Variants in DLGAP4 observed in about 807,000 individuals in gnomAD.
The protein encoded by DLGAP4 is DLG associated protein 4.
Under a neutral mutation model 86.9 loss-of-function variants are expected in DLGAP4, and 18 were observed. The ratio of observed to expected loss-of-function variants is 0.21; its 90% confidence interval spans 0.14 to 0.31. The LOEUF (loss-of-function observed/expected upper bound fraction) is 0.31, where lower values mean the gene tolerates loss of function less well. Among genes scored for constraint, DLGAP4 ranks in the 10% least tolerant of loss-of-function variants. The pLI, the probability that DLGAP4 is intolerant of heterozygous loss-of-function variation, is 1.00. For missense variants in DLGAP4, 1,085 were observed against 1,362.6 expected (o/e 0.80, Z 3.21); for synonymous variants, 548 against 574.3 (o/e 0.95, Z 0.65).
At chr20:36,435,386 G>T (rs1225626218) in intron 3 of DLGAP4, among the ~76,000 whole-genome samples, 1 of 152,184 alleles carries the variant, frequency 6.6e-6, no homozygotes, top group African/African-American at 2.4e-5. Context: ...GACAGGGAAG[G>T]TCCCCTCGGT....
chr20:36,493,467 T>A (rs1382515754), intron 7 of DLGAP4, among the ~76,000 whole-genome samples: 1 of 152,130 alleles, frequency 6.6e-6, no homozygotes, highest in Non-Finnish European at 1.5e-5. Flanking sequence ...CTCCCGCCCT[T>A]CCGGAACAGA....
intron 2 of DLGAP4, among the ~76,000 whole-genome samples, chr20:36,388,529 G>A (rs1004168965): frequency 3.9e-5 from 6 of 152,012 alleles, no homozygotes; most frequent in Non-Finnish European, 7.4e-5. Context: ...CAATAACCCC[G>A]GTTCCCTCTG....
chr20:36,512,885 TGAAGTCAGACTG>T (rs2036790297), intron 10 of DLGAP4, among the ~76,000 whole-genome samples: 1 of 134,296 alleles, frequency 7.4e-6, no homozygotes, highest in Non-Finnish European at 1.5e-5. Context: ...GGATGGGAGA[TGAAGTCAGACTG>T]GGGGCATCTC....
At chr20:36,430,503 T>C (rs1269273466) in intron 2 of DLGAP4, among the ~76,000 whole-genome samples, 2 of 152,194 alleles carry the variant, frequency 1.3e-5, no homozygotes, top group Admixed American at 6.5e-5. Context: ...GATGGGCCCT[T>C]GCCCTAGGTC....
chr20:36,444,659 G>T (rs1004441499), intron 6 of DLGAP4, among the ~76,000 whole-genome samples: 1 of 151,616 alleles, frequency 6.6e-6, no homozygotes, highest in Non-Finnish European at 1.5e-5. Context: ...ATTTTTTTTT[G>T]AGATGGAGTC....
At chr20:36,456,771 G>A (rs2033888829) in intron 7 of DLGAP4, among the ~76,000 whole-genome samples, 1 of 152,222 alleles carries the variant, frequency 6.6e-6, no homozygotes, top group South Asian at 2.1e-4. Flanking sequence ...CTGAAGGACT[G>A]GTGGGCAGGC....
intron 8 of DLGAP4, chr20:36,499,356 C>T (rs6023207): frequency 6.2e-7 from 1 of 1,603,024 alleles, no homozygotes; most frequent in African/African-American, 1.3e-5. Context: ...CCCATCCCAC[C>T]TCCCGCCCAC....
chr20:36,339,070 C>T (rs1555892284), intron 1 of DLGAP4, among the ~76,000 whole-genome samples: 2 of 152,144 alleles, frequency 1.3e-5, no homozygotes, highest in African/African-American at 4.8e-5. Context: ...GGGTTTTAGG[C>T]AGAAGGTAAT....
chr20:36,393,792 T>G lies in DLGAP4; in HGVS notation c.-73+26517T>G, dbSNP rs1435228952. On this transcript the variant is annotated intron_variant, in intron 2 of 12. Coordinates refer to ENST00000339266, the MANE Select transcript of DLGAP4 (RefSeq NM_001365621.2). The surrounding 1 kb of genome is among the most constrained non-coding windows in gnomAD (Gnocchi z 4.4). Reference sequence around the variant, plus strand: ...GGTCTTCATTGTTCAGATGAGGAACTGAGGCTCAGAGAGGGAGGTGACCTG... The same window carrying G: ...GGTCTTCATTGTTCAGATGAGGAACGGAGGCTCAGAGAGGGAGGTGACCTG... 6.6e-6 allele frequency among the ~76,000 whole-genome samples: 1 copy of G among 152,162 alleles called. No individual in the cohort carries two copies. The highest frequency in any genetic ancestry group is 6.5e-5 in the Admixed American group (1 of 15,290).
intron 2 of DLGAP4, among the ~76,000 whole-genome samples, chr20:36,384,901 A>G (rs1159904839): frequency 6.6e-6 from 1 of 152,224 alleles, no homozygotes; most frequent in Non-Finnish European, 1.5e-5. Flanking sequence ...CTCTACCTGC[A>G]TAACCACATT....
chr20:36,471,081 A>G (rs1600592484), intron 7 of DLGAP4, among the ~76,000 whole-genome samples: 1 of 152,102 alleles, frequency 6.6e-6, no homozygotes, highest in African/African-American at 2.4e-5. Flanking sequence ...CTGAAAATGT[A>G]TATATTTTAA....
At position 36,528,514 on chromosome 20, in the gene DLGAP4, T is replaced by A. The variant is rs910492574; in HGVS notation, c.*1483T>A. ...CCATTTCCAGCTTGGCCGCCGTCTG[T>A]GACCTTGGGCAAGTCACTTGACCTC... On this transcript the variant is annotated 3_prime_UTR_variant, in exon 13 of 13. Coordinates refer to ENST00000339266, the MANE Select transcript of DLGAP4 (RefSeq NM_001365621.2). 5.9e-5 allele frequency: 9 copies of A among 152,262 alleles called. 1 individual carries two copies. Among genetic ancestry groups the A allele is most frequent in the Admixed American group, 5.2e-4 (8 of 15,248 alleles). 9.4% of individuals were successfully genotyped at this position (152,262 alleles called of 1,614,324 possible). A position where few individuals can be genotyped will look rare whatever the true frequency, so the allele number is the denominator to read the frequency against.
intron 7 of DLGAP4, among the ~76,000 whole-genome samples, chr20:36,474,885 G>A (rs1714020836): frequency 6.6e-6 from 1 of 152,176 alleles, no homozygotes; most frequent in Non-Finnish European, 1.5e-5. Context: ...GAACAAGATT[G>A]ACTTCCCTCC....
Position 36,431,014 on chromosome 20 carries a change from A to G in DLGAP4, c.-72-632A>G, listed in dbSNP as rs2033114961. ...TCTAAAAGTCCATGTTTTTCCCCAT[A>G]AGGCAAGGAGAGTTCAGGAGCCCTG... On this transcript the variant is annotated intron_variant, in intron 2 of 12. Transcript: ENST00000339266. This position sits in a 1 kb window ranked among gnomAD's most constrained non-coding sequence, Gnocchi z 5.1. Among the ~76,000 whole-genome samples the G allele has an allele frequency of 6.6e-6, 1 of 151,510 alleles. No homozygotes were observed. Among genetic ancestry groups the G allele is most frequent in the South Asian group, 2.1e-4 (1 of 4,780 alleles).
At chr20:36,503,476 G>A (rs2036229516) in intron 10 of DLGAP4, among the ~76,000 whole-genome samples, 1 of 143,090 alleles carries the variant, frequency 7.0e-6, no homozygotes, top group Admixed American at 6.9e-5. Flanking sequence ...TACCATATAT[G>A]GCCTTTTTTT....
At chr20:36,467,447 G>C (rs2034468181) in intron 7 of DLGAP4, among the ~76,000 whole-genome samples, 1 of 152,224 alleles carries the variant, frequency 6.6e-6, no homozygotes, top group African/African-American at 2.4e-5. Context: ...AATCTGGGTG[G>C]AGCCAGGAGG....
intron 7 of DLGAP4, among the ~76,000 whole-genome samples, chr20:36,463,911 C>G (rs1484683509): frequency 6.6e-6 from 1 of 152,124 alleles, no homozygotes; most frequent in Admixed American, 6.6e-5. Flanking sequence ...GAGATGAGGC[C>G]CAGAAGGGCC....
chr20:36,459,640 T>C (rs1350513692), intron 7 of DLGAP4, among the ~76,000 whole-genome samples: 1 of 152,190 alleles, frequency 6.6e-6, no homozygotes, highest in Non-Finnish European at 1.5e-5. Context: ...GGAGTTTCGC[T>C]CTTGTTGCCC....
At chr20:36,460,948 G>C (rs2034012911) in intron 7 of DLGAP4, among the ~76,000 whole-genome samples, 1 of 152,252 alleles carries the variant, frequency 6.6e-6, no homozygotes, top group African/African-American at 2.4e-5. Context: ...GCAAAGCAAA[G>C]GGAGGATGCA....
Sources: allele counts gnomAD v4.1 joint callset (sites outside exome capture counted in the v4.1 genomes callset), GRCh38; gene constraint gnomAD v4.1.1; non-coding constraint Gnocchi (gnomAD v3.1); transcripts MANE v1.5; gene names NCBI Gene and HGNC (gene_info 2026-07-23, HGNC 2026-07-21).